Variants in PWWP2B observed in about 807,000 individuals in gnomAD.
The protein encoded by PWWP2B is PWWP domain-containing protein 2B.
A neutral mutation model predicts 15.5 loss-of-function variants in PWWP2B; 9 were observed. That is an observed-to-expected ratio of 0.58 (90% confidence interval 0.35 to 1.02). PWWP2B has a LOEUF of 1.02. Ranked by LOEUF, PWWP2B falls within the 50% of genes least tolerant of loss-of-function variation. The pLI, the probability that PWWP2B is intolerant of heterozygous loss-of-function variation, is 0.02. For missense variants in PWWP2B, 864 were observed against 865.3 expected (o/e 1.00, Z 0.02); for synonymous variants, 474 against 403.6 (o/e 1.17, Z -2.09).
chr10:132,402,924 G>C (rs565507698), intron 1 of PWWP2B, among the ~76,000 whole-genome samples: 1 of 152,334 alleles, frequency 6.6e-6, no homozygotes, highest in Admixed American at 6.5e-5. Context: ...GCTGGCCCCC[G>C]GGGTGCATGG....
chr10:132,403,192 G>A (rs1242351126), intron 1 of PWWP2B, among the ~76,000 whole-genome samples: 5 of 152,178 alleles, frequency 3.3e-5, no homozygotes, highest in Admixed American at 2.0e-4. Flanking sequence ...GGCGGGTGGC[G>A]CTCACTCTGA....
rs1285551071 is a variant in PWWP2B at position 132,405,652 on chromosome 10, T to A, written c.1152T>A (p.Ser384Arg). Residue 384 changes from serine (S) to arginine (R), a missense_variant, in exon 2 of 3, where the codon AGT becomes AGA. Physicochemically the swap from Ser to Arg is moderately radical, Grantham distance 110. Transcript: ENST00000305233. The stretch of plus-strand genomic sequence containing the variant: ...GGCTGGCGGACTTGTCTTCTGGAAG[T>A]TCGGGTGAGGACGATGACTTCAAGA... The part of the protein sequence containing the change: ...AGGLADLSSG[S>R]SGEDDDFKSC... The A allele has an allele frequency of 6.2e-7, 1 of 1,612,436 alleles. No homozygotes were observed. The highest frequency in any genetic ancestry group is 8.5e-7 in the Non-Finnish European group (1 of 1,179,870).
intron 2 of PWWP2B, among the ~76,000 whole-genome samples, chr10:132,413,129 C>T (rs3935299): frequency 0.11 from 17,457 of 152,258 alleles, 1,283 homozygotes; most frequent in Admixed American, 0.2. Context: ...TGTTTCTAAA[C>T]CTTTGCAGTC....
In PWWP2B at chr10:132,404,792, C is replaced by T. The variant is rs10747057; in HGVS notation, c.292C>T (p.Arg98Cys). 2.0e-6 allele frequency: 3 copies of T among 1,503,090 alleles called. No homozygotes were observed. The highest frequency in any genetic ancestry group is 1.2e-5 in the South Asian group (1 of 86,422). The allele number at this position is 1,503,090 out of a possible 1,614,324, so 93.1% of individuals were successfully genotyped here. A position where few individuals can be genotyped will look rare whatever the true frequency, so the allele number is the denominator to read the frequency against. ...CGGGGTTCAGCCCCCCGAGACCACC[C>T]GCCCCGAGCCACCCCCGCCCCTCGT... ...ARGVQPPETT[R>C]PEPPPPLVPP... The change falls in exon 2 of 3, where the codon CGC (arginine) becomes TGC (cysteine). Residue 98 changes from arginine (R) to cysteine (C), a missense_variant. Physicochemically the swap from Arg to Cys is radical, Grantham distance 180 (BLOSUM62 -3). Transcript: ENST00000305233.
At chr10:132,411,447 G>A (rs1564877214) in intron 2 of PWWP2B, among the ~76,000 whole-genome samples, 1 of 152,274 alleles carries the variant, frequency 6.6e-6, no homozygotes, top group Non-Finnish European at 1.5e-5. Flanking sequence ...CGGTTGTGTG[G>A]GCAGCGCGGG....
intron 2 of PWWP2B, among the ~76,000 whole-genome samples, chr10:132,408,621 C>CGAGGATGAGGA (rs2069734903): frequency 6.6e-6 from 1 of 152,204 alleles, no homozygotes; most frequent in Non-Finnish European, 1.5e-5. Flanking sequence ...TGCAGCTGCC[C>CGAGGATGAGGA]GAGGATGAGG....
intron 1 of PWWP2B, among the ~76,000 whole-genome samples, chr10:132,401,299 C>T (rs1393170765): frequency 6.6e-6 from 1 of 152,250 alleles, no homozygotes; most frequent in Non-Finnish European, 1.5e-5. Context: ...CTAGCCCTTT[C>T]TCAAAGCAAA....
Position 132,401,449 on chromosome 10 carries a change from G to C in PWWP2B, c.126-3177G>C, listed in dbSNP as rs1263670618. On this transcript the variant is annotated intron_variant, in intron 1 of 2. Transcript: ENST00000305233. ...TTCCCTTCCCCACAGGCAAGGCCCA[G>C]CGGATGGCTCTAAAAGGGCAGCCTG... Among the ~76,000 whole-genome samples the C allele has an allele frequency of 2.0e-5, 3 of 152,206 alleles. No homozygotes were observed. The East Asian group carries it at 5.8e-4, about 29-fold the overall frequency.
chr10:132,398,107 C>T (rs2069562731), intron 1 of PWWP2B, among the ~76,000 whole-genome samples: 1 of 152,230 alleles, frequency 6.6e-6, no homozygotes. Flanking sequence ...ATGAATCAGG[C>T]TGTGGCCTCG....
intron 2 of PWWP2B, among the ~76,000 whole-genome samples, chr10:132,415,171 TGAG>T (rs1333119824): frequency 6.6e-6 from 1 of 152,044 alleles, no homozygotes; most frequent in Non-Finnish European, 1.5e-5. Context: ...ATGAAGAGGC[TGAG>T]ATCTCTCCTG....
At chr10:132,414,105 G>A (rs1360444756) in intron 2 of PWWP2B, among the ~76,000 whole-genome samples, 10 of 152,228 alleles carry the variant, frequency 6.6e-5, no homozygotes, top group Non-Finnish European at 8.8e-5. Flanking sequence ...CGTGAGGAGC[G>A]GCCAGTGCTG....
intron 1 of PWWP2B, among the ~76,000 whole-genome samples, chr10:132,403,998 G>A (rs1281004190): frequency 3.4e-5 from 1 of 29,088 alleles, no homozygotes; most frequent in Admixed American, 2.5e-4. Flanking sequence ...CCCGTAGGAC[G>A]GCATTCTCCA....
chr10:132,405,367 C>T lies in PWWP2B; in HGVS notation c.867C>T (p.Asp289=), dbSNP rs145952219. The T allele has an allele frequency of 5.9e-4, 944 of 1,611,164 alleles. No individual in the cohort carries two copies. Among genetic ancestry groups the T allele is most frequent in the Non-Finnish European group, 6.8e-4 (805 of 1,179,036 alleles). Residue 289 remains aspartate, a synonymous_variant, in exon 2 of 3, where the codon GAC becomes GAT. Coordinates refer to ENST00000305233, the MANE Select transcript of PWWP2B (RefSeq NM_138499.4). ...GTCCCCAGCAGGCCCCGCAGGACGACGGCAGCCAGGACCCCGAGGTGCTGG... is the reference window on the plus strand; with the variant it reads ...GTCCCCAGCAGGCCCCGCAGGACGATGGCAGCCAGGACCCCGAGGTGCTGG... The part of the protein sequence containing the change: ...PFRPQQAPQD[D]GSQDPEVLDR...
At chr10:132,403,694 G>A (rs1172518523) in intron 1 of PWWP2B, among the ~76,000 whole-genome samples, 5 of 152,250 alleles carry the variant, frequency 3.3e-5, no homozygotes, top group Non-Finnish European at 5.9e-5. Flanking sequence ...CAGGCTGCCC[G>A]GCCCAGCGAG....
chr10:132,407,594 C>T (rs1395580750), intron 2 of PWWP2B, among the ~76,000 whole-genome samples: 1 of 152,186 alleles, frequency 6.6e-6, no homozygotes, highest in Admixed American at 6.5e-5. Context: ...CCCCAGGGTC[C>T]CCAGGCTGCC....
intron 1 of PWWP2B, among the ~76,000 whole-genome samples, chr10:132,401,241 G>A (rs547701200): frequency 6.6e-5 from 10 of 152,338 alleles, no homozygotes; most frequent in South Asian, 2.1e-4. Flanking sequence ...GGTCTGGTCC[G>A]TTCTGCAATT....
chr10:132,415,858 C>T (rs535294407), intron 2 of PWWP2B, among the ~76,000 whole-genome samples: 4 of 152,192 alleles, frequency 2.6e-5, no homozygotes, highest in Non-Finnish European at 4.4e-5. Flanking sequence ...GCATTGATCC[C>T]GGCTTGGTGC....
At chr10:132,415,650 CACACAT>C in intron 2 of PWWP2B, among the ~76,000 whole-genome samples, 1 of 149,978 alleles carries the variant, frequency 6.7e-6, no homozygotes, top group South Asian at 2.1e-4. Flanking sequence ...CCCACTCACA[CACACAT>C]GCACTCACAC....
chr10:132,413,601 G>A (rs1273671655), intron 2 of PWWP2B, among the ~76,000 whole-genome samples: 2 of 152,200 alleles, frequency 1.3e-5, no homozygotes, highest in African/African-American at 2.4e-5. Context: ...TGGCACCTCC[G>A]CAGCCCTGGG....
Sources: allele counts gnomAD v4.1 joint callset (sites outside exome capture counted in the v4.1 genomes callset), GRCh38; gene constraint gnomAD v4.1.1; transcripts MANE v1.5; gene names NCBI Gene and HGNC (gene_info 2026-07-23, HGNC 2026-07-21).